The following TAFA5 variants were observed in gnomAD, a reference collection of about 807,000 sequenced individuals.
TAFA5 encodes chemokine-like protein TAFA-5.
TAFA5 carries 6 observed loss-of-function variants against 15.3 expected under a neutral mutation model. The ratio of observed to expected loss-of-function variants is 0.39; its 90% CI spans 0.21 to 0.77. The LOEUF is 0.77. Among genes scored for constraint, TAFA5 ranks in the 30% least tolerant of loss-of-function variants. TAFA5 has a pLI of 0.41. For missense variants in TAFA5, 161 were observed against 193.1 expected, an observed-to-expected ratio of 0.83 and a Z score of 0.98; for synonymous variants, 103 against 80.7, an observed-to-expected ratio of 1.28 and a Z score of -1.48.
chr22:48,686,702 G>A (rs892487862), intron 2 of TAFA5, among the ~76,000 whole-genome samples: 1 of 151,868 alleles, frequency 6.6e-6, no homozygotes, highest in South Asian at 2.1e-4. Context: ...AAGTGGATAG[G>A]TTGATGGATG....
At chr22:48,607,950 C>G (rs1274229644) in intron 1 of TAFA5, among the ~76,000 whole-genome samples, 1 of 151,830 alleles carries the variant, frequency 6.6e-6, no homozygotes, top group Non-Finnish European at 1.5e-5. Context: ...TGGAGAAATT[C>G]TGCTCCTCCT....
rs112445531 is a variant in TAFA5, at chr22:48,678,090, G to T, written c.263-29627G>T. Among the ~76,000 whole-genome samples, 173 of 152,260 alleles carry T rather than the reference G, an allele frequency of 1.1e-3. 1 individual carries two copies. Among genetic ancestry groups the T allele is most frequent in the African/African-American group, 4.1e-3 (171 of 41,550 alleles). On this transcript the variant is annotated intron_variant, in intron 2 of 3. Transcript: ENST00000402357. Reference sequence around the variant, plus strand: ...CAGCAGCTCCCTGACTCTGACCCTTGCCATTCCAGTTCCCTGGTCCTCCTG... The same window carrying T: ...CAGCAGCTCCCTGACTCTGACCCTTTCCATTCCAGTTCCCTGGTCCTCCTG...
intron 2 of TAFA5, among the ~76,000 whole-genome samples, chr22:48,702,381 C>T (rs968972658): frequency 5.9e-5 from 9 of 151,968 alleles, no homozygotes; most frequent in African/African-American, 2.2e-4. Context: ...ATCGGTGAGA[C>T]TCTAGATCCA....
intron 1 of TAFA5, among the ~76,000 whole-genome samples, chr22:48,644,306 CT>C (rs1347846599): frequency 6.6e-6 from 1 of 152,180 alleles, no homozygotes; most frequent in Non-Finnish European, 1.5e-5. Flanking sequence ...GGGGAGGCCC[CT>C]GCTGCCCCAG....
chr22:48,569,201 G>A (rs1333488583), intron 1 of TAFA5, among the ~76,000 whole-genome samples: 4 of 152,236 alleles, frequency 2.6e-5, no homozygotes, highest in African/African-American at 9.6e-5. Context: ...TTACTCAGAA[G>A]AGGGCAATCT....
At chr22:48,516,447 C>A (rs1390470728) in intron 1 of TAFA5, among the ~76,000 whole-genome samples, 1 of 152,122 alleles carries the variant, frequency 6.6e-6, no homozygotes, top group Non-Finnish European at 1.5e-5. Flanking sequence ...CAGACATCAT[C>A]ACCATCGTCT....
intron 1 of TAFA5, among the ~76,000 whole-genome samples, chr22:48,618,467 G>C (rs933849022): frequency 6.6e-6 from 1 of 152,264 alleles, no homozygotes; most frequent in African/African-American, 2.4e-5. Context: ...TGCTCATAAA[G>C]TTGCCGGGGA....
intron 1 of TAFA5, among the ~76,000 whole-genome samples, chr22:48,594,780 A>C (rs1342432283): frequency 6.6e-6 from 1 of 152,122 alleles, no homozygotes; most frequent in Non-Finnish European, 1.5e-5. Flanking sequence ...GTGCAGACAG[A>C]CGGATGGGCG....
rs550288568 is a variant in TAFA5, at chr22:48,546,457, G to A, written c.112+56753G>A. 2.4e-4 allele frequency: 114 copies of A among 470,470 alleles called. 2 individuals are homozygous for A. Among genetic ancestry groups the A allele is most frequent in the South Asian group, 1.7e-3 (111 of 64,446 alleles). 29.1% of individuals were successfully genotyped at this position (470,470 alleles called of 1,614,324 possible). ...ACTGCCCTATCCTCTTGGAGCTTGT[G>A]GGGGAAAGAATCCCCTTTCTCAAAC... On this transcript the variant is annotated intron_variant, in intron 1 of 3. Coordinates refer to ENST00000402357, the MANE Select transcript of TAFA5 (RefSeq NM_001082967.3).
At chr22:48,605,225 G>A (rs1434725616) in intron 1 of TAFA5, among the ~76,000 whole-genome samples, 26 of 145,958 alleles carry the variant, frequency 1.8e-4, no homozygotes, top group Non-Finnish European at 3.2e-4. Context: ...GGTGGTGATG[G>A]TGATGGTAAT....
At chr22:48,644,140 G>A (rs926770920) in intron 1 of TAFA5, among the ~76,000 whole-genome samples, 3 of 152,188 alleles carry the variant, frequency 2.0e-5, no homozygotes, top group Admixed American at 6.5e-5. Flanking sequence ...ATTTGGTGTC[G>A]CCCTTTTCTG....
At chr22:48,534,476 G>A (rs925528278) in intron 1 of TAFA5, among the ~76,000 whole-genome samples, 12 of 152,138 alleles carry the variant, frequency 7.9e-5, no homozygotes, top group African/African-American at 2.2e-4. Context: ...AGGAGGGGCC[G>A]TGTCAGCTGA....
intron 1 of TAFA5, among the ~76,000 whole-genome samples, chr22:48,517,066 G>A (rs922144980): frequency 3.9e-5 from 6 of 152,036 alleles, no homozygotes; most frequent in Admixed American, 6.5e-5. Context: ...TCTCGTTTCC[G>A]TCACCCCACA....
At chr22:48,518,134 A>G (rs1199731053) in intron 1 of TAFA5, among the ~76,000 whole-genome samples, 2 of 152,154 alleles carry the variant, frequency 1.3e-5, no homozygotes, top group African/African-American at 4.8e-5. Context: ...TCACATTGTC[A>G]GGCCACCCGG....
intron 1 of TAFA5, among the ~76,000 whole-genome samples, chr22:48,509,013 T>C (rs1363990990): frequency 1.1e-4 from 16 of 152,230 alleles, no homozygotes. Context: ...TCTCTATTTC[T>C]ATGAGCTCAG....
intron 1 of TAFA5, among the ~76,000 whole-genome samples, chr22:48,592,650 CCTCCCTCCCTCCCTCA>C (rs1924613531): frequency 6.6e-6 from 1 of 150,948 alleles, no homozygotes; most frequent in Admixed American, 6.6e-5. Flanking sequence ...TGCCTCCCTC[CCTCCCTCCCTCCCTCA>C]CTCCCTCCTC....
rs1569078611 is a variant in TAFA5 at position 48,685,966 on chromosome 22, TACACGCAGGCCCCACGTGCGCCCC to T, written c.263-21750_263-21727del. ...ACAGGCCCCACGTGCGCCCCGGGAGTACACGCAGGCCCCACGTGCGCCCCGGGAGTACACGCAGGCCCCACGTGT... is the reference window on the plus strand; with the variant it reads ...ACAGGCCCCACGTGCGCCCCGGGAGTGGGAGTACACGCAGGCCCCACGTGT... On this transcript the variant is annotated intron_variant, in intron 2 of 3. Coordinates refer to ENST00000402357, the MANE Select transcript of TAFA5 (RefSeq NM_001082967.3). Among the ~76,000 whole-genome samples, 1,083 of 134,740 alleles carry T rather than the reference TACACGCAGGCCCCACGTGCGCCCC, an allele frequency of 8.0e-3. 19 individuals carry two copies. The highest frequency in any genetic ancestry group is 0.038 in the African/African-American group (996 of 26,146). 88.4% of individuals were successfully genotyped at this position (134,740 alleles called of 152,430 possible). A position where few individuals can be genotyped will look rare whatever the true frequency, so the allele number is the denominator to read the frequency against.
At chr22:48,642,504 T>C (rs956274219) in intron 1 of TAFA5, among the ~76,000 whole-genome samples, 1 of 152,040 alleles carries the variant, frequency 6.6e-6, no homozygotes, top group Non-Finnish European at 1.5e-5. Flanking sequence ...CAGCACTGGA[T>C]GGCAGCCAAG....
In TAFA5 at chr22:48,560,818, C is replaced by G. The variant is rs1923205716; in HGVS notation, c.112+71114C>G. On this transcript the variant is annotated intron_variant, in intron 1 of 3. Coordinates refer to ENST00000402357, the MANE Select transcript of TAFA5 (RefSeq NM_001082967.3). This position sits in a 1 kb window ranked among gnomAD's most constrained non-coding sequence, Gnocchi z 4.2. ...AGAGATGGGGTTTCACCGTGTTGGCCAGACTGGTCTTGAACTCCTGACCTC... is the reference window on the plus strand; with the variant it reads ...AGAGATGGGGTTTCACCGTGTTGGCGAGACTGGTCTTGAACTCCTGACCTC... 6.6e-6 allele frequency among the ~76,000 whole-genome samples: 1 copy of G among 152,036 alleles called. No individual in the cohort carries two copies. The highest frequency in any genetic ancestry group is 1.5e-5 in the Non-Finnish European group (1 of 68,018).
Sources: gnomAD v4.1 joint callset for allele counts (sites outside exome capture counted in the v4.1 genomes callset) on GRCh38, gnomAD v4.1.1 for gene constraint, Gnocchi (gnomAD v3.1) non-coding constraint, MANE v1.5 for transcripts, NCBI Gene and HGNC (gene_info 2026-07-23, HGNC 2026-07-21) for gene names.